Variants in RUFY1 observed in about 807,000 individuals in gnomAD.
The protein encoded by RUFY1 is RUN and FYVE domain containing 1.
In RUFY1, 54 loss-of-function variants were observed where a neutral mutation model predicts 94.6. The ratio of observed to expected loss-of-function variants is 0.57; its 90% CI spans 0.46 to 0.72. The LOEUF (loss-of-function observed/expected upper bound fraction) is 0.72, where lower values mean the gene tolerates loss of function less well. RUFY1 is among the 30% of genes least tolerant of loss of function. The pLI, the probability that RUFY1 is intolerant of heterozygous loss-of-function variation, is 0.00. For synonymous variants in RUFY1, 396 were observed against 347.3 expected, an observed-to-expected ratio of 1.14 and a Z score of -1.56; for missense variants, 883 against 883.9, an observed-to-expected ratio of 1.00 and a Z score of 0.01.
chr5:179,609,206 C>CAAAAAAAAA (rs5873655), intron 17 of RUFY1, among the ~76,000 whole-genome samples, 170 bp from the exon 18 acceptor site: 4 of 121,432 alleles, frequency 3.3e-5, no homozygotes, highest in African/African-American at 6.5e-5. Context: ...GACTCTATCT[C>CAAAAAAAAA]AAAAAAAAAA....
chr5:179,569,167 T>C, intron 4 of RUFY1, 135 bp from the exon 5 acceptor site: 1 of 1,538,578 alleles, frequency 6.5e-7, no homozygotes, highest in Admixed American at 1.9e-5. Flanking sequence ...TGAAGAGAAA[T>C]GAAAGGGAGG....
At chr5:179,593,972 G>A (rs906131073) in intron 11 of RUFY1, among the ~76,000 whole-genome samples, 8 of 150,072 alleles carry the variant, frequency 5.3e-5, no homozygotes, top group Non-Finnish European at 1.0e-4. Flanking sequence ...CTATTTCAAC[G>A]ATTTATTGTT....
In RUFY1 at chr5:179,606,066, C is replaced by T. The variant is rs1767050521; in HGVS notation, c.1905+142C>T. ...GACGTATTGACAGAGAAGCCAAACG[C>T]TGCTCAGAAACGTGTCCCTCGGCTG... On this transcript the variant is annotated intron_variant, in intron 16 of 17. Transcript: ENST00000319449. 6 of 645,764 alleles carry T rather than the reference C, an allele frequency of 9.3e-6. No individual in the cohort carries two copies. In the Admixed American group the frequency reaches 1.6e-4, roughly 18 times the overall value. The allele number at this position is 645,764 out of a possible 1,614,324, so 40.0% of individuals were successfully genotyped here.
At chr5:179,563,080 TC>T (rs1421263759) in intron 3 of RUFY1, among the ~76,000 whole-genome samples, 1 of 152,188 alleles carries the variant, frequency 6.6e-6, no homozygotes, top group African/African-American at 2.4e-5. Flanking sequence ...TCTGGATTTG[TC>T]CTTGGGATCG....
In RUFY1 at chr5:179,594,852, C is replaced by T. The variant is rs969610335; in HGVS notation, c.1414-14C>T. On this transcript the variant is annotated splice_polypyrimidine_tract_variant and intron_variant, in intron 11 of 17. Coordinates refer to ENST00000319449, the MANE Select transcript of RUFY1 (RefSeq NM_025158.5). ...GGGACAGGCAGAGTATGAACCCTTC[C>T]TTTGCTTTTGTAGAATGCAGAGAGC... is the stretch of plus-strand genomic sequence containing the variant. 6.3e-7 allele frequency: 1 copy of T among 1,593,036 alleles called. No individual in the cohort carries two copies. The highest frequency in any genetic ancestry group is 8.6e-7 in the Non-Finnish European group (1 of 1,163,362).
At chr5:179,575,795 T>C (rs939927832) in intron 5 of RUFY1, among the ~76,000 whole-genome samples, 4 of 152,270 alleles carry the variant, frequency 2.6e-5, no homozygotes, top group Middle Eastern at 3.4e-3. Context: ...TTTTTTTGTT[T>C]TGTTTTGGCA....
intron 1 of RUFY1, among the ~76,000 whole-genome samples, chr5:179,552,438 C>A (rs921889030): frequency 1.3e-5 from 2 of 152,098 alleles, no homozygotes; most frequent in Non-Finnish European, 2.9e-5. Flanking sequence ...GTGAGATTTT[C>A]AGTGGTCAAG....
chr5:179,560,304 T>A, intron 2 of RUFY1, 106 bp downstream of exon 2: 2 of 1,385,916 alleles, frequency 1.4e-6, no homozygotes, highest in South Asian at 1.4e-5. Flanking sequence ...ATGCCAGCAG[T>A]GTACAGAACA....
At chr5:179,591,574 G>C (rs1489417655) in intron 9 of RUFY1, 51 bp from the exon 10 acceptor site, 2 of 1,090,536 alleles carry the variant, frequency 1.8e-6, no homozygotes, top group African/African-American at 1.6e-5. Flanking sequence ...TTCATAATTA[G>C]CTTGCTTTCC....
At chr5:179,565,886 A>C (rs1318363998) in intron 3 of RUFY1, among the ~76,000 whole-genome samples, 4 of 152,194 alleles carry the variant, frequency 2.6e-5, no homozygotes, top group African/African-American at 9.7e-5. Flanking sequence ...TCACGCCTAT[A>C]ATCCCAACAC....
chr5:179,602,299 T>G (rs1766516053), intron 15 of RUFY1: 1 of 303,032 alleles, frequency 3.3e-6, no homozygotes, highest in East Asian at 6.2e-5. Flanking sequence ...AGAGGATCGC[T>G]TGGTCAGCCT....
chr5:179,579,654 C>CTTTTTTT (rs1554118772), intron 6 of RUFY1, among the ~76,000 whole-genome samples: 3 of 38,634 alleles, frequency 7.8e-5, no homozygotes, highest in Non-Finnish European at 1.6e-4. Flanking sequence ...CCCTTTTCTT[C>CTTTTTTT]TTCTTTTTTT....
At chr5:179,559,106 G>A (rs1322000633) in intron 1 of RUFY1, among the ~76,000 whole-genome samples, 2 of 152,104 alleles carry the variant, frequency 1.3e-5, no homozygotes, top group East Asian at 3.8e-4. Context: ...ATGTAAACGC[G>A]CGCGCGCGCC....
At chr5:179,581,290 T>A (rs1319936192) in intron 7 of RUFY1, among the ~76,000 whole-genome samples, 1 of 152,218 alleles carries the variant, frequency 6.6e-6, no homozygotes, top group Non-Finnish European at 1.5e-5. Context: ...CACAGCCACG[T>A]GGCTGGAAAT....
Position 179,559,874 on chromosome 5 carries a change from C to A in RUFY1, c.311-151C>A, listed in dbSNP as rs1762306206. ...GCCTCTAGGGATCAGGGACTACTTA[C>A]CTGCGAATCCCGGTTGCCCGCCCGC... On this transcript the variant is annotated intron_variant, in intron 1 of 17. Coordinates refer to ENST00000319449, the MANE Select transcript of RUFY1 (RefSeq NM_025158.5). 4.2e-6 allele frequency: 6 copies of A among 1,425,352 alleles called. No homozygotes were observed. The South Asian group carries it at 7.6e-5, about 18-fold the overall frequency. 88.3% of individuals were successfully genotyped at this position (1,425,352 alleles called of 1,614,324 possible).
At chr5:179,580,241 G>GTGTGTGTGTGTATATATATA (rs149099074) in intron 6 of RUFY1, among the ~76,000 whole-genome samples, 8 of 93,884 alleles carry the variant, frequency 8.5e-5, no homozygotes, top group East Asian at 3.8e-4. Context: ...GTGTGTGTGT[G>GTGTGTGTGTGTATATATATA]TATATTTTTT....
chr5:179,555,713 C>T (rs1011937995), intron 1 of RUFY1: 1 of 392,826 alleles, frequency 2.5e-6, no homozygotes, highest in Non-Finnish European at 5.1e-6. Flanking sequence ...CGGCAACCTC[C>T]GCCTCCCAGG....
rs562925978 is a variant in RUFY1 at position 179,581,067 on chromosome 5, G to C, written c.956+55G>C. The C allele has an allele frequency of 3.2e-5, 36 of 1,114,022 alleles. No homozygotes were observed. In the African/African-American group the frequency reaches 3.8e-4, roughly 12 times the overall value. The allele number at this position is 1,114,022 out of a possible 1,614,324, so 69.0% of individuals were successfully genotyped here. On this transcript the variant is annotated intron_variant, in intron 7 of 17. Coordinates refer to ENST00000319449, the MANE Select transcript of RUFY1 (RefSeq NM_025158.5). Reference sequence around the variant, plus strand: ...GTTACATACTCGGTATCCTGTCATTGCTTCATGGAACTTCGAGTTGCCACG... The same window carrying C: ...GTTACATACTCGGTATCCTGTCATTCCTTCATGGAACTTCGAGTTGCCACG...
intron 1 of RUFY1, among the ~76,000 whole-genome samples, chr5:179,557,073 T>C (rs1232768276): frequency 6.6e-6 from 1 of 152,172 alleles, no homozygotes; most frequent in Non-Finnish European, 1.5e-5. Context: ...ACCTGCAACC[T>C]AATCATATTA....
Sources: gnomAD v4.1 joint callset for allele counts (sites outside exome capture counted in the v4.1 genomes callset) on GRCh38, gnomAD v4.1.1 for gene constraint, MANE v1.5 for transcripts, NCBI Gene and HGNC (gene_info 2026-07-23, HGNC 2026-07-21) for gene names.